Variants in KCTD9 observed in about 807,000 individuals in gnomAD.
KCTD9 encodes the protein BTB/POZ domain-containing protein KCTD9.
In KCTD9, 17 loss-of-function variants were observed where a neutral mutation model predicts 53.3. The ratio of observed to expected loss-of-function variants is 0.32; its 90% confidence interval spans 0.22 to 0.48. The LOEUF is 0.48. Among genes scored for constraint, KCTD9 ranks in the 20% least tolerant of loss-of-function variants. The pLI is 0.99. For synonymous variants in KCTD9, 128 were observed against 162.7 expected, an observed-to-expected ratio of 0.79 and a Z score of 1.62; for missense variants, 179 against 465.5, an observed-to-expected ratio of 0.38 and a Z score of 5.66.
chr8:25,436,519 A>T, intron 6 of KCTD9, 34 bp from the exon 7 acceptor site: 1 of 1,246,226 alleles, frequency 8.0e-7, no homozygotes. Flanking sequence ...AAACAACCTA[A>T]TTTAGTGAAT....
At chr8:25,436,902 C>G (rs768417208) in intron 6 of KCTD9, among the ~76,000 whole-genome samples, 5 of 152,184 alleles carry the variant, frequency 3.3e-5, no homozygotes, top group Non-Finnish European at 7.3e-5. Flanking sequence ...CATTATCTTT[C>G]AAATGAGAAG....
intron 3 of KCTD9, among the ~76,000 whole-genome samples, chr8:25,441,093 A>C (rs1253539592): frequency 6.6e-6 from 1 of 152,158 alleles, no homozygotes; most frequent in Non-Finnish European, 1.5e-5. Context: ...CAAATGGCCA[A>C]AACTCCCTTC....
intron 1 of KCTD9, chr8:25,457,840 G>T (rs543297680): frequency 7.4e-5 from 13 of 174,532 alleles, no homozygotes; most frequent in African/African-American, 3.1e-4. Context: ...AGGCGGGAGC[G>T]GGGTCTCGGG....
At chr8:25,438,489 G>T (rs1211360593) in intron 6 of KCTD9, among the ~76,000 whole-genome samples, 1 of 152,150 alleles carries the variant, frequency 6.6e-6, no homozygotes, top group East Asian at 1.9e-4. Context: ...TAAAATTTTA[G>T]ATACCCAGGT....
Position 25,458,360 on chromosome 8 carries a change from T to C in KCTD9, c.-114A>G. 1 of 1,200,974 alleles carries C rather than the reference T, an allele frequency of 8.3e-7. No homozygotes were observed. Among genetic ancestry groups the C allele is most frequent in the Non-Finnish European group, 1.2e-6 (1 of 826,924 alleles). The allele number at this position is 1,200,974 out of a possible 1,614,324, so 74.4% of individuals were successfully genotyped here. A position where few individuals can be genotyped will look rare whatever the true frequency, so the allele number is the denominator to read the frequency against. ...TCCACCCACTCGGATTCGCCTCCCTTCGCCACCTTCCTGCCCTTGGGGACA... is the reference window on the plus strand; with the variant it reads ...TCCACCCACTCGGATTCGCCTCCCTCCGCCACCTTCCTGCCCTTGGGGACA... On this transcript the variant is annotated 5_prime_UTR_variant, in exon 1 of 12. Transcript: ENST00000221200.
chr8:25,432,838 T>A (rs1047901215), intron 10 of KCTD9, among the ~76,000 whole-genome samples: 1 of 152,180 alleles, frequency 6.6e-6, no homozygotes, highest in Admixed American at 6.5e-5. Context: ...AGAAATTTAG[T>A]TCTGTCTTAT....
intron 11 of KCTD9, among the ~76,000 whole-genome samples, chr8:25,431,865 G>A (rs1278857903): frequency 1.3e-5 from 2 of 152,010 alleles, no homozygotes; most frequent in African/African-American, 4.8e-5. Flanking sequence ...GCCACATGTG[G>A]CTACTTAAAT....
chr8:25,439,265 C>G lies in KCTD9; in HGVS notation c.499+14G>C. The G allele has an allele frequency of 6.4e-7, 1 of 1,571,346 alleles. No homozygotes were observed. Among genetic ancestry groups the G allele is most frequent in the South Asian group, 1.2e-5 (1 of 83,362 alleles). On this transcript the variant is annotated intron_variant, in intron 6 of 11. Coordinates refer to ENST00000221200, the MANE Select transcript of KCTD9 (RefSeq NM_017634.4). The stretch of plus-strand genomic sequence containing the variant: ...GTAGTTACATAATTATATTGAAAGT[C>G]TAAATAAACTCACCCAATAAATTAA...
At chr8:25,442,292 C>G (rs1029325917) in intron 3 of KCTD9, among the ~76,000 whole-genome samples, 3 of 152,022 alleles carry the variant, frequency 2.0e-5, no homozygotes, top group African/African-American at 7.2e-5. Context: ...AGAGAAATAT[C>G]CTTTGGGTGA....
At chr8:25,446,545 G>C (rs1183419791) in intron 1 of KCTD9, among the ~76,000 whole-genome samples, 1 of 152,192 alleles carries the variant, frequency 6.6e-6, no homozygotes, top group African/African-American at 2.4e-5. Context: ...CTTCGATCTA[G>C]AGTCTGACAT....
chr8:25,440,822 C>G (rs1586429130), intron 3 of KCTD9, 149 bp from the exon 4 acceptor site: 1 of 624,220 alleles, frequency 1.6e-6, no homozygotes, highest in South Asian at 1.9e-5. Context: ...CAGACTGCAT[C>G]TAAAACAACA....
At chr8:25,452,941 A>T (rs1432696171) in intron 1 of KCTD9, among the ~76,000 whole-genome samples, 1 of 152,186 alleles carries the variant, frequency 6.6e-6, no homozygotes, top group Non-Finnish European at 1.5e-5. Flanking sequence ...CTGAGGAAGG[A>T]GGACTGCTTG....
rs1224396389 is a variant in KCTD9, at chr8:25,429,595, C to A, written c.*262G>T. The stretch of plus-strand genomic sequence containing the variant: ...ATGCCTGGTCATAAAACCAGGTAAA[C>A]CCCCCTACCCCATTCAAAAGGCAGC... On this transcript the variant is annotated 3_prime_UTR_variant, in exon 12 of 12. Transcript: ENST00000221200. The A allele has an allele frequency of 3.7e-6, 1 of 271,500 alleles. No individual in the cohort carries two copies. Among genetic ancestry groups the A allele is most frequent in the East Asian group, 8.2e-5 (1 of 12,150 alleles). 16.8% of individuals were successfully genotyped at this position (271,500 alleles called of 1,614,324 possible).
intron 6 of KCTD9, among the ~76,000 whole-genome samples, chr8:25,438,383 G>A (rs754098205): frequency 2.7e-4 from 41 of 151,358 alleles, no homozygotes; most frequent in Non-Finnish European, 4.6e-4. Context: ...GTTAATGGGT[G>A]TTTTGTATTT....
chr8:25,457,221 T>C (rs1563252165), intron 1 of KCTD9: 1 of 286,606 alleles, frequency 3.5e-6, no homozygotes, highest in African/African-American at 2.3e-5. Flanking sequence ...TTTCACTATT[T>C]AAAAATTTAC....
At chr8:25,435,711 T>C (rs1345801923) in intron 8 of KCTD9, among the ~76,000 whole-genome samples, 199 bp from the exon 9 acceptor site, 1 of 152,194 alleles carries the variant, frequency 6.6e-6, no homozygotes, top group African/African-American at 2.4e-5. Flanking sequence ...AAAGAAACTC[T>C]ATCAATATAT....
intron 1 of KCTD9, among the ~76,000 whole-genome samples, chr8:25,454,848 C>T (rs1229845057): frequency 6.6e-6 from 1 of 152,216 alleles, no homozygotes; most frequent in Non-Finnish European, 1.5e-5. Flanking sequence ...TTCAGTGACT[C>T]AGACTATGAA....
intron 1 of KCTD9, among the ~76,000 whole-genome samples, chr8:25,455,281 A>C (rs1430950184): frequency 3.3e-5 from 5 of 151,762 alleles, no homozygotes; most frequent in Non-Finnish European, 7.4e-5. Flanking sequence ...ACAAACAAAA[A>C]CCAAAAAATC....
Position 25,428,769 on chromosome 8 carries a change from T to G in KCTD9, c.*1088A>C, listed in dbSNP as rs1277895623. 1 of 152,186 alleles carries G rather than the reference T, an allele frequency of 6.6e-6. No individual in the cohort carries two copies. Among genetic ancestry groups the G allele is most frequent in the Non-Finnish European group, 1.5e-5 (1 of 68,036 alleles). The allele number at this position is 152,186 out of a possible 1,614,324, so 9.4% of individuals were successfully genotyped here. A position where few individuals can be genotyped will look rare whatever the true frequency, so the allele number is the denominator to read the frequency against. On this transcript the variant is annotated 3_prime_UTR_variant, in exon 12 of 12. Transcript: ENST00000221200. Reference sequence around the variant, plus strand: ...TTTTTACGTCTATTTTTTTGGTGGCTGTAATCAAATGTGTGTTTAAAATTC... The same window carrying G: ...TTTTTACGTCTATTTTTTTGGTGGCGGTAATCAAATGTGTGTTTAAAATTC...
Sources: allele counts gnomAD v4.1 joint callset (sites outside exome capture counted in the v4.1 genomes callset), GRCh38; gene constraint gnomAD v4.1.1; transcripts MANE v1.5; gene names NCBI Gene and HGNC (gene_info 2026-07-23, HGNC 2026-07-21).